PSPC1: variants seen among roughly 807,000 people sequenced by gnomAD.
PSPC1 encodes paraspeckle component 1, also known as paraspeckle protein 1.
Under a neutral mutation model 51.6 loss-of-function variants are expected in PSPC1, and 14 were observed. That is an observed-to-expected ratio of 0.27 (90% CI 0.18 to 0.42). The LOEUF is 0.42. Among genes scored for constraint, PSPC1 ranks in the 10% least tolerant of loss-of-function variants. The pLI, the probability that PSPC1 is intolerant of heterozygous loss-of-function variation, is 1.00. For missense variants in PSPC1, 406 were observed against 701.1 expected, an observed-to-expected ratio of 0.58 and a Z score of 4.75; for synonymous variants, 193 against 231.9, an observed-to-expected ratio of 0.83 and a Z score of 1.53.
At chr13:19,694,883 A>G (rs1879021527) in intron 6 of PSPC1, among the ~76,000 whole-genome samples, 1 of 152,136 alleles carries the variant, frequency 6.6e-6, no homozygotes, top group Admixed American at 6.5e-5. Flanking sequence ...CCCCTTAACT[A>G]AAAGAGTAGC....
At chr13:19,671,783 A>G, downstream of PSPC1, 10 of 1,575,154 alleles carry the variant, frequency 6.3e-6, no homozygotes, top group Non-Finnish European at 8.7e-6. Context: ...TTCTTGTAAG[A>G]AAGGGGAAAT....
At chr13:19,700,668 C>T (rs1879791604), downstream of PSPC1, among the ~76,000 whole-genome samples, 2 of 151,954 alleles carry the variant, frequency 1.3e-5, no homozygotes, top group African/African-American at 4.8e-5. Flanking sequence ...TTACAAGTAG[C>T]ACATGAAACA....
chr13:19,768,956 G>A (rs1245796339), intron 2 of PSPC1, among the ~76,000 whole-genome samples: 2 of 144,062 alleles, frequency 1.4e-5, no homozygotes, highest in Admixed American at 7.1e-5. Flanking sequence ...CCAACGTGGC[G>A]AAACCCCATC....
In PSPC1 at chr13:19,695,656, G is replaced by T. The variant is rs114613062; in HGVS notation, c.1159-17833C>A. On this transcript the variant is annotated intron_variant and NMD_transcript_variant, in intron 6 of 7. Coordinates refer to the PSPC1 transcript ENST00000471658. The stretch of plus-strand genomic sequence containing the variant: ...GGAGGGAACCACATTCCAATCAGAA[G>T]ACTTCAGTAATGTATAAGATGACAC... Among the ~76,000 whole-genome samples the T allele has an allele frequency of 4.9e-3, 752 of 152,158 alleles. 7 individuals are homozygous for T. The highest frequency in any genetic ancestry group is 0.017 in the African/African-American group (699 of 41,522).
At chr13:19,671,962 A>G (rs1876155231), downstream of PSPC1, 4 of 1,399,322 alleles carry the variant, frequency 2.9e-6, no homozygotes, top group East Asian at 2.3e-5. Flanking sequence ...TAGCACATCT[A>G]TGTAAAGTTT....
intron 6 of PSPC1, among the ~76,000 whole-genome samples, chr13:19,714,844 C>A (rs1290815750): frequency 1.3e-5 from 2 of 151,958 alleles, no homozygotes; most frequent in Non-Finnish European, 2.9e-5. Flanking sequence ...ACAGTAGTAT[C>A]AAAAAAATCC....
chr13:19,742,216 CTT>C (rs1421621113), intron 4 of PSPC1, among the ~76,000 whole-genome samples: 2 of 140,360 alleles, frequency 1.4e-5, no homozygotes, highest in Non-Finnish European at 3.0e-5. Flanking sequence ...AATCCCAACA[CTT>C]TGGGAAGCCC....
rs1013535012 is a variant in PSPC1 at position 19,735,515 on chromosome 13, C to A, written c.1053-5171G>T. On this transcript the variant is annotated intron_variant, in intron 5 of 8. Coordinates refer to ENST00000338910, the MANE Select transcript of PSPC1 (RefSeq NM_001354909.2). ...GAAGAATTAAGTTACCTATGAAAAACTAAATAATTTATTTATAGCATTGAA... is the reference window on the plus strand; with the variant it reads ...GAAGAATTAAGTTACCTATGAAAAAATAAATAATTTATTTATAGCATTGAA... Among the ~76,000 whole-genome samples the A allele has an allele frequency of 3.3e-5, 5 of 152,154 alleles. No individual in the cohort carries two copies. The South Asian group carries it at 1.0e-3, about 32-fold the overall frequency.
intron 3 of PSPC1, among the ~76,000 whole-genome samples, chr13:19,753,521 C>T (rs2138148216): frequency 6.6e-6 from 1 of 152,328 alleles, no homozygotes; most frequent in South Asian, 2.1e-4. Context: ...GGAGCCACCA[C>T]ACCCAGCCAA....
chr13:19,745,641 T>A (rs1885894369), intron 4 of PSPC1, among the ~76,000 whole-genome samples: 1 of 149,856 alleles, frequency 6.7e-6, no homozygotes, highest in Non-Finnish European at 1.5e-5. Flanking sequence ...TTTTTTGAGA[T>A]GGGAGTCTCG....
chr13:19,760,235 A>T (rs1171643897), intron 2 of PSPC1, among the ~76,000 whole-genome samples: 1 of 152,148 alleles, frequency 6.6e-6, no homozygotes, highest in Non-Finnish European at 1.5e-5. Flanking sequence ...AAAGTTCTTA[A>T]AAATGTTGGC....
intron 6 of PSPC1, among the ~76,000 whole-genome samples, chr13:19,720,708 A>C (rs949280021): frequency 3.9e-5 from 6 of 152,338 alleles, no homozygotes; most frequent in Admixed American, 2.6e-4. Flanking sequence ...AGAAAAAACA[A>C]GAATAAATCA....
rs144110159 is a variant in PSPC1 at position 19,720,156 on chromosome 13, G to C, written c.1158+10083C>G. On this transcript the variant is annotated intron_variant, in intron 6 of 8. Coordinates refer to ENST00000338910, the MANE Select transcript of PSPC1 (RefSeq NM_001354909.2). ...AACTCCTAAAAAAAACAATGAGCAA[G>C]GATACCAGCTGTAAGACAAACAATA... 5.6e-3 allele frequency among the ~76,000 whole-genome samples: 846 copies of C among 152,200 alleles called. 8 individuals carry two copies. Among genetic ancestry groups the C allele is most frequent in the African/African-American group, 0.019 (805 of 41,520 alleles).
At chr13:19,673,780 G>A (rs551507145), downstream of PSPC1, among the ~76,000 whole-genome samples, 2 of 152,116 alleles carry the variant, frequency 1.3e-5, no homozygotes, top group Admixed American at 6.5e-5. Context: ...CAAATTATCC[G>A]GGGGAAAAAG....
chr13:19,696,499 GCACACA>G (rs34350489), intron 6 of PSPC1, among the ~76,000 whole-genome samples: 1 of 147,450 alleles, frequency 6.8e-6, no homozygotes, highest in Non-Finnish European at 1.5e-5. Flanking sequence ...ACACACACAC[GCACACA>G]CACACACACA....
intron 2 of PSPC1, among the ~76,000 whole-genome samples, chr13:19,760,913 G>A (rs991123417): frequency 4.6e-5 from 7 of 151,550 alleles, no homozygotes; most frequent in Non-Finnish European, 8.8e-5. Flanking sequence ...GCTTGAATCC[G>A]GGAGACGGAG....
At chr13:19,693,890 G>A (rs1054371038) in intron 6 of PSPC1, among the ~76,000 whole-genome samples, 5 of 152,008 alleles carry the variant, frequency 3.3e-5, no homozygotes, top group South Asian at 4.1e-4. Context: ...TTGGGAGGCC[G>A]AGATGGGCGG....
rs867613785 is a variant in PSPC1, at chr13:19,782,245, C to A, written c.372+141G>T. The A allele has an allele frequency of 1.3e-5, 17 of 1,330,384 alleles. No individual in the cohort carries two copies. In the African/African-American group the frequency reaches 1.4e-4, roughly 11 times the overall value. 82.4% of individuals were successfully genotyped at this position (1,330,384 alleles called of 1,614,324 possible). On this transcript the variant is annotated intron_variant, in intron 1 of 8. Transcript: ENST00000338910. This position sits in a 1 kb window ranked among gnomAD's most constrained non-coding sequence, Gnocchi z 4.5. ...AGCTGGGGAAGCGGCCAACCCCGCA[C>A]AGAGGAATCGATGAGGCCGAGCGGC...
intron 2 of PSPC1, among the ~76,000 whole-genome samples, chr13:19,768,137 A>C (rs1888247151): frequency 6.6e-6 from 1 of 152,040 alleles, no homozygotes; most frequent in Non-Finnish European, 1.5e-5. Context: ...AGGAAGGAGA[A>C]TCATTTGAGC....
Sources: allele counts gnomAD v4.1 joint callset (sites outside exome capture counted in the v4.1 genomes callset), GRCh38; gene constraint gnomAD v4.1.1; non-coding constraint Gnocchi (gnomAD v3.1); transcripts MANE v1.5; gene names NCBI Gene and HGNC (gene_info 2026-07-23, HGNC 2026-07-21).